Variants in PDE4B observed in about 807,000 individuals in gnomAD.
PDE4B encodes phosphodiesterase 4B, also known as 3',5'-cyclic-AMP phosphodiesterase 4B.
PDE4B carries 20 observed loss-of-function variants against 82.2 expected under a neutral mutation model. The observed-to-expected ratio is 0.24, with a 90% CI of 0.17 to 0.35. The LOEUF (loss-of-function observed/expected upper bound fraction) is 0.35, where lower values mean the gene tolerates loss of function less well. Ranked by LOEUF, PDE4B falls within the 10% of genes least tolerant of loss-of-function variation. The probability of loss-of-function intolerance (pLI) is 1.00; values close to 1 mark genes in which losing one functional copy is unlikely to be tolerated. For synonymous variants in PDE4B, 320 were observed against 318.9 expected, an observed-to-expected ratio of 1.00 and a Z score of -0.04; for missense variants, 655 against 907.2, an observed-to-expected ratio of 0.72 and a Z score of 3.57.
At position 66,090,616 on chromosome 1, in the gene PDE4B, A is replaced by ATGTGTGT. The variant is rs200925983; in HGVS notation, c.282-156844_282-156843insTGTGTGT. Reference sequence around the variant, plus strand: ...CAAAATTATATATATATATGTATATAATATATGTGTGTGTGTGTGTGTGTA... The same window carrying ATGTGTGT: ...CAAAATTATATATATATATGTATATATGTGTGTATATATGTGTGTGTGTGTGTGTGTA... On this transcript the variant is annotated intron_variant, in intron 3 of 16. Transcript: ENST00000341517. Among the ~76,000 whole-genome samples, 191 of 89,922 alleles carry ATGTGTGT rather than the reference A, an allele frequency of 2.1e-3. 2 individuals carry two copies. Among genetic ancestry groups the ATGTGTGT allele is most frequent in the Non-Finnish European group, 3.2e-3 (142 of 44,392 alleles). 59.0% of individuals were successfully genotyped at this position (89,922 alleles called of 152,430 possible). A position where few individuals can be genotyped will look rare whatever the true frequency, so the allele number is the denominator to read the frequency against.
Position 65,913,380 on chromosome 1 carries a change from A to G in PDE4B, c.42+24A>G, listed in dbSNP as rs1308176603. 3 of 1,611,210 alleles carry G rather than the reference A, an allele frequency of 1.9e-6. No homozygotes were observed. In the Admixed American group the frequency reaches 5.0e-5, roughly 27 times the overall value. On this transcript the variant is annotated intron_variant, in intron 2 of 16. Coordinates refer to ENST00000341517, the MANE Select transcript of PDE4B (RefSeq NM_002600.4). ...ATGTAAGTTTCAAAAGGTCCCAATC[A>G]TGTTTGGTCTGTTCAATAAAGAAGT...
At chr1:65,915,201 T>C (rs1647145778) in intron 2 of PDE4B, among the ~76,000 whole-genome samples, 1 of 152,164 alleles carries the variant, frequency 6.6e-6, no homozygotes. Flanking sequence ...AGGAGATTGT[T>C]TCAAAGAAGG....
chr1:65,899,036 G>A lies in PDE4B; in HGVS notation c.-70-14209G>A, dbSNP rs542811521. Among the ~76,000 whole-genome samples the A allele has an allele frequency of 9.9e-5, 15 of 152,202 alleles. No homozygotes were observed. In the South Asian group the frequency reaches 2.5e-3, roughly 25 times the overall value. Reference sequence around the variant, plus strand: ...CAGCAGAGTAAACAGAAAACCTGCAGAGTGGGAGAAAATCCTCACAATCTA... The same window carrying A: ...CAGCAGAGTAAACAGAAAACCTGCAAAGTGGGAGAAAATCCTCACAATCTA... On this transcript the variant is annotated intron_variant, in intron 1 of 16. Coordinates refer to ENST00000341517, the MANE Select transcript of PDE4B (RefSeq NM_002600.4).
intron 3 of PDE4B, among the ~76,000 whole-genome samples, chr1:66,139,024 G>A (rs1229814618): frequency 6.6e-6 from 1 of 152,110 alleles, no homozygotes; most frequent in Non-Finnish European, 1.5e-5. Context: ...ACTGAGAAAG[G>A]CAGCTTATAT....
chr1:66,331,696 G>A (rs1204129940), intron 7 of PDE4B: 31 of 970,994 alleles, frequency 3.2e-5, no homozygotes, highest in Non-Finnish European at 3.8e-5. Context: ...CTGAAAGTCC[G>A]GTTCAGAATT....
At chr1:66,367,597 T>A in intron 13 of PDE4B, 99 bp from the exon 14 acceptor site, 1 of 942,470 alleles carries the variant, frequency 1.1e-6, no homozygotes, top group Non-Finnish European at 1.6e-6. Context: ...GTTCTTGAAA[T>A]AATTTGGAGA....
At chr1:66,138,120 G>A (rs1029053813) in intron 3 of PDE4B, among the ~76,000 whole-genome samples, 1 of 152,178 alleles carries the variant, frequency 6.6e-6, no homozygotes, top group African/African-American at 2.4e-5. Context: ...TACAATATAC[G>A]TAGTTTCTAC....
chr1:66,053,869 T>A (rs1028732621), intron 3 of PDE4B, among the ~76,000 whole-genome samples: 21 of 151,826 alleles, frequency 1.4e-4, no homozygotes, highest in African/African-American at 4.6e-4. Context: ...CAATTAAAAA[T>A]AATAATAATA....
intron 1 of PDE4B, among the ~76,000 whole-genome samples, chr1:65,876,923 A>G (rs949125274): frequency 1.3e-5 from 2 of 152,236 alleles, no homozygotes; most frequent in Non-Finnish European, 2.9e-5. Flanking sequence ...AAATGGAAAA[A>G]GAGTCCATGC....
intron 7 of PDE4B, among the ~76,000 whole-genome samples, chr1:66,291,244 A>G (rs1256942093): frequency 2.0e-5 from 3 of 152,094 alleles, no homozygotes; most frequent in African/African-American, 4.8e-5. Context: ...CATACTACAG[A>G]TAAGAAAAGT....
At chr1:66,348,320 T>C (rs1661562935) in intron 8 of PDE4B, among the ~76,000 whole-genome samples, 1 of 152,216 alleles carries the variant, frequency 6.6e-6, no homozygotes, top group South Asian at 2.1e-4. Context: ...TCTCAGTTAC[T>C]ATGATGATTT....
At chr1:65,875,954 A>T (rs959184119) in intron 1 of PDE4B, among the ~76,000 whole-genome samples, 1 of 112,876 alleles carries the variant, frequency 8.9e-6, no homozygotes, top group Non-Finnish European at 2.3e-5. Context: ...AGTATAATTA[A>T]AAAAAAAATG....
At chr1:65,814,618 C>A (rs1645858735) in intron 1 of PDE4B, among the ~76,000 whole-genome samples, 1 of 152,122 alleles carries the variant, frequency 6.6e-6, no homozygotes, top group African/African-American at 2.4e-5. Context: ...TCTCTCTAAC[C>A]CATCCTTTGG....
chr1:65,887,403 C>CTTTTTTTTTTTTTTTTTTTTTT (rs1646801006), intron 1 of PDE4B, among the ~76,000 whole-genome samples: 1 of 13,740 alleles, frequency 7.3e-5, no homozygotes, highest in Non-Finnish European at 1.2e-4. Context: ...CTTTCTTTTT[C>CTTTTTTTTTTTTTTTTTTTTTT]TTTTTCTTCT....
chr1:66,314,856 T>G (rs1341468619), intron 7 of PDE4B, among the ~76,000 whole-genome samples: 1 of 152,276 alleles, frequency 6.6e-6, no homozygotes, highest in Non-Finnish European at 1.5e-5. Flanking sequence ...CACAAACACT[T>G]ATGAAGTACC....
intron 3 of PDE4B, among the ~76,000 whole-genome samples, chr1:66,071,980 G>A (rs1398937676): frequency 6.6e-6 from 1 of 152,016 alleles, no homozygotes; most frequent in Non-Finnish European, 1.5e-5. Flanking sequence ...CATGTCGCCT[G>A]TTTGTCAGTT....
intron 3 of PDE4B, among the ~76,000 whole-genome samples, chr1:65,924,526 A>G (rs541604370): frequency 1.3e-5 from 2 of 152,204 alleles, no homozygotes; most frequent in African/African-American, 2.4e-5. Context: ...CCTGCTATCT[A>G]TTACTGCATA....
At chr1:66,023,178 T>C (rs961556048) in intron 3 of PDE4B, among the ~76,000 whole-genome samples, 1 of 152,130 alleles carries the variant, frequency 6.6e-6, no homozygotes, top group African/African-American at 2.4e-5. Flanking sequence ...CTTTATAAGC[T>C]CTGTCATCCT....
At chr1:66,229,791 A>G (rs1251264979) in intron 3 of PDE4B, among the ~76,000 whole-genome samples, 1 of 152,112 alleles carries the variant, frequency 6.6e-6, no homozygotes, top group African/African-American at 2.4e-5. Flanking sequence ...ATCTTTATAC[A>G]TATTATTTAA....
Sources: gnomAD v4.1 joint callset for allele counts (sites outside exome capture counted in the v4.1 genomes callset) on GRCh38, gnomAD v4.1.1 for gene constraint, MANE v1.5 for transcripts, NCBI Gene and HGNC (gene_info 2026-07-23, HGNC 2026-07-21) for gene names.